Variants in GLYATL2 observed in about 807,000 individuals in gnomAD.
The protein encoded by GLYATL2 is glycine N-acyltransferase-like protein 2.
In GLYATL2, 25 loss-of-function variants were observed where a neutral mutation model predicts 21.4. The observed-to-expected ratio is 1.17, with a 90% CI of 0.85 to 1.63. GLYATL2 has a LOEUF of 1.63. Ranked by LOEUF, GLYATL2 falls within the 40% of genes most tolerant of loss-of-function variation. The pLI is 0.00. For missense variants in GLYATL2, 361 were observed against 343.3 expected (o/e 1.05, Z -0.41); for synonymous variants, 114 against 118.2 (o/e 0.96, Z 0.23).
chr11:58,886,038 G>T (rs1009844303), intron 1 of GLYATL2, among the ~76,000 whole-genome samples: 15 of 152,098 alleles, frequency 9.9e-5, no homozygotes, highest in African/African-American at 2.2e-4. Context: ...AACATAGTGA[G>T]ACCTCATCTC....
chr11:58,887,438 T>A (rs1854463062), intron 1 of GLYATL2, among the ~76,000 whole-genome samples: 1 of 152,158 alleles, frequency 6.6e-6, no homozygotes. Flanking sequence ...TGGTTTTTAA[T>A]CTCAAAGATA....
chr11:58,888,140 T>A (rs1304482698), intron 1 of GLYATL2, among the ~76,000 whole-genome samples: 1 of 152,182 alleles, frequency 6.6e-6, no homozygotes, highest in Admixed American at 6.5e-5. Flanking sequence ...GAACTGTTTA[T>A]GTTGTTTGAC....
chr11:58,906,901 G>A (rs1233110837), upstream of GLYATL2, among the ~76,000 whole-genome samples: 1 of 152,156 alleles, frequency 6.6e-6, no homozygotes, highest in Non-Finnish European at 1.5e-5. Context: ...GCAGGTAAAA[G>A]TGCAGATTCC....
Position 58,836,919 on chromosome 11 carries a change from A to T in GLYATL2, c.476+96T>A, listed in dbSNP as rs185685226. ...TACCCATGCAATTGTGTAGCCCATC[A>T]TAATTTAGTCTCAAATCCTACATTT... On this transcript the variant is annotated intron_variant, in intron 5 of 5. Coordinates refer to ENST00000287275, the MANE Select transcript of GLYATL2 (RefSeq NM_145016.4). 61 of 1,062,634 alleles carry T rather than the reference A, an allele frequency of 5.7e-5. No individual in the cohort carries two copies. In the East Asian group the frequency reaches 1.4e-3, roughly 25 times the overall value. 65.8% of individuals were successfully genotyped at this position (1,062,634 alleles called of 1,614,324 possible).
At chr11:58,869,814 G>T (rs747603160) in intron 1 of GLYATL2, among the ~76,000 whole-genome samples, 2 of 152,158 alleles carry the variant, frequency 1.3e-5, no homozygotes, top group Admixed American at 6.6e-5. Flanking sequence ...ATACATTTTT[G>T]TCTGGGTTTT....
chr11:58,864,878 C>A (rs991622271), intron 1 of GLYATL2, among the ~76,000 whole-genome samples: 1 of 148,832 alleles, frequency 6.7e-6, no homozygotes, highest in African/African-American at 2.4e-5. Flanking sequence ...TTTCAAAGTG[C>A]CTCAGCAGCA....
At chr11:58,851,894 T>C (rs1853747915) in intron 1 of GLYATL2, among the ~76,000 whole-genome samples, 2 of 152,190 alleles carry the variant, frequency 1.3e-5, no homozygotes, top group East Asian at 1.9e-4. Flanking sequence ...TGAGCTAGCA[T>C]GATAGCCTAC....
At chr11:58,906,348 G>T (rs1357351306), upstream of GLYATL2, among the ~76,000 whole-genome samples, 2 of 152,198 alleles carry the variant, frequency 1.3e-5, no homozygotes, top group Non-Finnish European at 2.9e-5. Context: ...TTTGACCCTG[G>T]TGGATCCTTT....
At chr11:58,885,831 AAGG>A (rs1226783210) in intron 1 of GLYATL2, among the ~76,000 whole-genome samples, 2 of 152,180 alleles carry the variant, frequency 1.3e-5, no homozygotes, top group Non-Finnish European at 2.9e-5. Context: ...CAGGGGCTGA[AAGG>A]AGGCCAATTT....
At chr11:58,842,020 T>C (rs989339249) in intron 1 of GLYATL2, among the ~76,000 whole-genome samples, 3 of 152,180 alleles carry the variant, frequency 2.0e-5, no homozygotes, top group African/African-American at 7.2e-5. Context: ...GCATTTCTCT[T>C]ATTAGATGAG....
chr11:58,876,477 TC>T (rs922002730), intron 1 of GLYATL2, among the ~76,000 whole-genome samples: 1 of 152,224 alleles, frequency 6.6e-6, no homozygotes, highest in Non-Finnish European at 1.5e-5. Flanking sequence ...GGTGTGGATG[TC>T]CTTTCTGTTT....
At chr11:58,847,246 C>T (rs541223652), upstream of GLYATL2, among the ~76,000 whole-genome samples, 1 of 152,298 alleles carries the variant, frequency 6.6e-6, no homozygotes, top group South Asian at 2.1e-4. Context: ...TAGCAGGTTT[C>T]AGGTGAGACT....
intron 1 of GLYATL2, among the ~76,000 whole-genome samples, chr11:58,876,438 T>C (rs1425323043): frequency 3.9e-5 from 6 of 152,238 alleles, no homozygotes; most frequent in Non-Finnish European, 7.3e-5. Flanking sequence ...CTTTGGTCTT[T>C]GATGATGGTG....
At position 58,870,051 on chromosome 11, in the gene GLYATL2, T is replaced by G. The variant is rs1205913732; in HGVS notation, n.61-31683A>C. Among the ~76,000 whole-genome samples, 2 of 151,668 alleles carry G rather than the reference T, an allele frequency of 1.3e-5. 1 individual carries two copies. Among genetic ancestry groups the G allele is most frequent in the Middle Eastern group, 6.3e-3 (2 of 316 alleles). ...TGAGCCTGAAAGGTCAAGGCTGCAGTGAGTTATGATCCAGCCACTGCACTC... is the reference window on the plus strand; with the variant it reads ...TGAGCCTGAAAGGTCAAGGCTGCAGGGAGTTATGATCCAGCCACTGCACTC... On this transcript the variant is annotated intron_variant and non_coding_transcript_variant, in intron 1 of 4. Coordinates refer to the GLYATL2 transcript ENST00000533636.
chr11:58,856,808 A>G (rs548588953), intron 1 of GLYATL2, among the ~76,000 whole-genome samples: 1 of 152,216 alleles, frequency 6.6e-6, no homozygotes, highest in Non-Finnish European at 1.5e-5. Context: ...AGATCACCTT[A>G]ACAGACACAA....
At chr11:58,882,202 G>GT (rs1854349279) in intron 1 of GLYATL2, among the ~76,000 whole-genome samples, 1 of 152,198 alleles carries the variant, frequency 6.6e-6, no homozygotes, top group South Asian at 2.1e-4. Flanking sequence ...CACCAACAGT[G>GT]TAAAAGCGTT....
intron 1 of GLYATL2, among the ~76,000 whole-genome samples, chr11:58,875,227 T>A (rs977485591): frequency 6.6e-6 from 1 of 152,166 alleles, no homozygotes; most frequent in Non-Finnish European, 1.5e-5. Flanking sequence ...CACTGATGGG[T>A]CTTGACTCTT....
At chr11:58,849,661 G>A (rs768332424), upstream of GLYATL2, among the ~76,000 whole-genome samples, 46 of 152,144 alleles carry the variant, frequency 3.0e-4, no homozygotes, top group Non-Finnish European at 6.2e-4. Context: ...AAAAATGCAG[G>A]AGAAGGCAGC....
intron 5 of GLYATL2, among the ~76,000 whole-genome samples, 169 bp downstream of exon 5, chr11:58,836,846 G>A (rs995094042): frequency 6.6e-6 from 1 of 152,238 alleles, no homozygotes; most frequent in East Asian, 1.9e-4. Flanking sequence ...GTCTAATGAA[G>A]GCTATGTCCA....
Sources: gnomAD v4.1 joint callset for allele counts (sites outside exome capture counted in the v4.1 genomes callset) on GRCh38, gnomAD v4.1.1 for gene constraint, MANE v1.5 for transcripts, NCBI Gene and HGNC (gene_info 2026-07-23, HGNC 2026-07-21) for gene names.